Variants in TMEM132D observed in about 807,000 individuals in gnomAD.
TMEM132D encodes the protein mature OL transmembrane protein.
A neutral mutation model predicts 62.3 loss-of-function variants in TMEM132D; 21 were observed. The observed-to-expected ratio is 0.34, with a 90% CI of 0.24 to 0.49. The LOEUF (loss-of-function observed/expected upper bound fraction) is 0.49. TMEM132D is among the 20% of genes least tolerant of loss of function. TMEM132D has a pLI of 0.99. For missense variants in TMEM132D, 1,346 were observed against 1,402.8 expected (o/e 0.96, Z 0.65); for synonymous variants, 621 against 575.6 (o/e 1.08, Z -1.13).
At chr12:129,898,725 T>C (rs1875232185) in intron 1 of TMEM132D, among the ~76,000 whole-genome samples, 1 of 152,270 alleles carries the variant, frequency 6.6e-6, no homozygotes, top group African/African-American at 2.4e-5. Flanking sequence ...CATGTTCCCC[T>C]ATCTCTCCTA....
chr12:129,218,631 T>G (rs1010071973), intron 4 of TMEM132D, among the ~76,000 whole-genome samples: 3 of 152,244 alleles, frequency 2.0e-5, no homozygotes, highest in African/African-American at 7.2e-5. Flanking sequence ...AACTGTACCC[T>G]TTTGAATGAA....
At chr12:129,445,403 C>T (rs993265529) in intron 3 of TMEM132D, among the ~76,000 whole-genome samples, 1 of 152,012 alleles carries the variant, frequency 6.6e-6, no homozygotes, top group Non-Finnish European at 1.5e-5. Flanking sequence ...CACAACAAAC[C>T]CCCAAGATAC....
chr12:129,079,165 A>G (rs1170287453), intron 7 of TMEM132D, among the ~76,000 whole-genome samples: 1 of 152,190 alleles, frequency 6.6e-6, no homozygotes, highest in Non-Finnish European at 1.5e-5. Context: ...GGTTGGGTGT[A>G]CTGGTTACAT....
intron 4 of TMEM132D, among the ~76,000 whole-genome samples, chr12:129,210,585 CT>C (rs1192786148): frequency 6.6e-6 from 1 of 152,182 alleles, no homozygotes; most frequent in Non-Finnish European, 1.5e-5. Flanking sequence ...TGTCCTGAAC[CT>C]TTCCCCTTGG....
In TMEM132D at chr12:129,255,677, C is replaced by A. The variant is rs146557843; in HGVS notation, c.1300-46014G>T. The stretch of plus-strand genomic sequence containing the variant: ...GTCCTCAACCTTCACCTGTCCCTCA[C>A]TCCACCCCCAAACCCATCCCATCTC... On this transcript the variant is annotated intron_variant, in intron 4 of 8. Coordinates refer to ENST00000422113, the MANE Select transcript of TMEM132D (RefSeq NM_133448.3). Among the ~76,000 whole-genome samples the A allele has an allele frequency of 4.8e-3, 731 of 152,308 alleles. 9 individuals carry two copies. Among genetic ancestry groups the A allele is most frequent in the African/African-American group, 0.016 (673 of 41,560 alleles).
intron 1 of TMEM132D, among the ~76,000 whole-genome samples, chr12:129,771,357 A>G (rs142359004): frequency 1.3e-5 from 2 of 152,262 alleles, no homozygotes; most frequent in African/African-American, 4.8e-5. Context: ...CCCTGCCTCA[A>G]TGGGCTTCTG....
At chr12:129,417,340 A>G (rs1447589537) in intron 3 of TMEM132D, among the ~76,000 whole-genome samples, 1 of 152,214 alleles carries the variant, frequency 6.6e-6, no homozygotes, top group African/African-American at 2.4e-5. Context: ...TGATACTGGT[A>G]CCAAAACAGA....
intron 5 of TMEM132D, among the ~76,000 whole-genome samples, chr12:129,191,034 G>A (rs527429898): frequency 2.0e-5 from 3 of 152,094 alleles, no homozygotes; most frequent in African/African-American, 4.8e-5. Flanking sequence ...CGCCCCCTCC[G>A]GGTCACTGCC....
chr12:129,234,635 A>T (rs533928166), intron 4 of TMEM132D, among the ~76,000 whole-genome samples: 2 of 152,364 alleles, frequency 1.3e-5, no homozygotes, highest in South Asian at 4.1e-4. Flanking sequence ...TAGTGCATGA[A>T]GTTCCCTGTT....
chr12:129,819,950 G>A (rs1004114651), intron 1 of TMEM132D, among the ~76,000 whole-genome samples: 9 of 152,116 alleles, frequency 5.9e-5, no homozygotes, highest in South Asian at 4.1e-4. Flanking sequence ...AAGACCGCAC[G>A]TGCACCGTGG....
intron 3 of TMEM132D, among the ~76,000 whole-genome samples, chr12:129,441,454 C>T (rs1258858815): frequency 6.6e-6 from 1 of 152,196 alleles, no homozygotes; most frequent in Non-Finnish European, 1.5e-5. Context: ...AAACCAGAAA[C>T]TAGAGACGCC....
rs61945685 is a variant in TMEM132D at position 129,365,737 on chromosome 12, A to G, written c.1116-27920T>C. Among the ~76,000 whole-genome samples, 5,076 of 152,186 alleles carry G rather than the reference A, an allele frequency of 0.033. 426 individuals are homozygous for G. The East Asian group carries it at 0.34, about 10-fold the overall frequency. ...CTTTCTACCTTACCTCAATGTGTCA[A>G]TCACTGGGTGTGTGCTTCTCTGGAA... On this transcript the variant is annotated intron_variant, in intron 3 of 8. Transcript: ENST00000422113.
chr12:129,480,743 T>C (rs1456883614), intron 3 of TMEM132D, among the ~76,000 whole-genome samples: 1 of 152,128 alleles, frequency 6.6e-6, no homozygotes, highest in Non-Finnish European at 1.5e-5. Flanking sequence ...GGCAAGAACG[T>C]AGAGAAACGG....
intron 3 of TMEM132D, among the ~76,000 whole-genome samples, chr12:129,410,751 T>C (rs1871945749): frequency 6.6e-6 from 1 of 152,212 alleles, no homozygotes; most frequent in Admixed American, 6.5e-5. Flanking sequence ...ATATATTTTT[T>C]TAACTTTTAA....
At chr12:129,735,510 G>A (rs922073482) in intron 1 of TMEM132D, among the ~76,000 whole-genome samples, 1 of 151,988 alleles carries the variant, frequency 6.6e-6, no homozygotes, top group Non-Finnish European at 1.5e-5. Flanking sequence ...AAAAATACAG[G>A]ACCCTATATA....
At chr12:129,211,159 A>G (rs1425234391) in intron 4 of TMEM132D, 1 of 152,240 alleles carries the variant, frequency 6.6e-6, no homozygotes, top group Non-Finnish European at 1.5e-5. Context: ...GTCCTAGCTC[A>G]CAATGTTCTT....
Position 129,261,639 on chromosome 12 carries a change from T to G in TMEM132D, c.1300-51976A>C, listed in dbSNP as rs144906212. 2.6e-3 allele frequency among the ~76,000 whole-genome samples: 401 copies of G among 152,254 alleles called. 2 individuals carry two copies. The highest frequency in any genetic ancestry group is 8.9e-3 in the African/African-American group (368 of 41,538). ...TCTCCTAGTTCCAGAGGTTGGAACT[T>G]CAAGATCAAGGTGCTATCAGTGTTT... On this transcript the variant is annotated intron_variant, in intron 4 of 8. Transcript: ENST00000422113.
At chr12:129,694,415 A>G (rs1350410179) in intron 2 of TMEM132D, among the ~76,000 whole-genome samples, 2 of 152,242 alleles carry the variant, frequency 1.3e-5, no homozygotes, top group Non-Finnish European at 2.9e-5. Context: ...GGTCACAGCT[A>G]CAGGAGTGTT....
At chr12:129,714,675 A>G (rs1342480940) in intron 1 of TMEM132D, among the ~76,000 whole-genome samples, 1 of 152,194 alleles carries the variant, frequency 6.6e-6, no homozygotes, top group East Asian at 1.9e-4. Flanking sequence ...AAAACATCAC[A>G]CTGTACATTG....
Sources: gnomAD v4.1 joint callset for allele counts (sites outside exome capture counted in the v4.1 genomes callset) on GRCh38, gnomAD v4.1.1 for gene constraint, MANE v1.5 for transcripts, NCBI Gene and HGNC (gene_info 2026-07-23, HGNC 2026-07-21) for gene names.